The following ZNF514 variants were observed in gnomAD, a reference collection of about 807,000 sequenced individuals.
ZNF514 encodes zinc finger protein 514.
A neutral mutation model predicts 9.7 loss-of-function variants in ZNF514; 12 were observed. The ratio of observed to expected loss-of-function variants is 1.24; its 90% CI spans 0.79 to 2.01. The LOEUF (loss-of-function observed/expected upper bound fraction) is 2.01, where lower values mean the gene tolerates loss of function less well. ZNF514 is among the 30% of genes most tolerant of loss of function. The pLI is 0.00. For synonymous variants in ZNF514, 158 were observed against 163.7 expected (o/e 0.97, Z 0.27); for missense variants, 467 against 465.5 (o/e 1.00, Z -0.03).
In ZNF514 at chr2:95,159,656, AGCCCCCGCCCGCCACCCCG is replaced by A; in HGVS notation, c.-531_-513del. On this transcript the variant is annotated 5_prime_UTR_variant, in exon 1 of 5. Transcript: ENST00000295208. Reference sequence around the variant, plus strand: ...CAGCCCCCGCCCGCCACCCCGCGCCAGCCCCCGCCCGCCACCCCGCGCCAGCCCCCGCGTCCGCCCCGCG... The same window carrying A: ...CAGCCCCCGCCCGCCACCCCGCGCCACGCCAGCCCCCGCGTCCGCCCCGCG... 6 of 62,296 alleles carry A rather than the reference AGCCCCCGCCCGCCACCCCG, an allele frequency of 9.6e-5. No homozygotes were observed. The highest frequency in any genetic ancestry group is 1.9e-4 in the Non-Finnish European group (6 of 31,976). 3.9% of individuals were successfully genotyped at this position (62,296 alleles called of 1,614,324 possible).
chr2:95,127,817 C>T, the ZNF514 span, among the ~76,000 whole-genome samples: 1 of 152,084 alleles, frequency 6.6e-6, no homozygotes. Context: ...GCCTGTTGGC[C>T]AGGCTGGCCT....
chr2:95,131,060 T>G, the ZNF514 span, among the ~76,000 whole-genome samples: 3 of 152,230 alleles, frequency 2.0e-5, no homozygotes, highest in African/African-American at 4.8e-5. Flanking sequence ...TTTCAGCCGG[T>G]CCCTCTGTTT....
chr2:95,146,248 A>G lies in ZNF514; in HGVS notation c.*3034T>C. Among the ~76,000 whole-genome samples the G allele has an allele frequency of 6.6e-6, 1 of 152,224 alleles. No individual in the cohort carries two copies. The highest frequency in any genetic ancestry group is 1.9e-4 in the East Asian group (1 of 5,202). ...AAACAAGAAAGTGGTAAAGTGATAA[A>G]AAATTATTTAAATAGATCAAGACAG... On this transcript the variant is annotated 3_prime_UTR_variant, in exon 5 of 5. Transcript: ENST00000295208.
At chr2:95,155,481 T>G (rs1015861097) in intron 2 of ZNF514, 1 of 152,234 alleles carries the variant, frequency 6.6e-6, no homozygotes, top group African/African-American at 2.4e-5. Context: ...TCATTGTATA[T>G]TGGATATATG....
chr2:95,155,951 T>G (rs1033520600), intron 2 of ZNF514, among the ~76,000 whole-genome samples: 4 of 152,046 alleles, frequency 2.6e-5, no homozygotes, highest in African/African-American at 9.7e-5. Flanking sequence ...GAGAAGAGGG[T>G]GTGGAGCAGA....
In ZNF514 at chr2:95,149,289, GT is replaced by G. The variant is rs755697811; in HGVS notation, c.1195del (p.Thr399ProfsTer21). Reference protein sequence around the residue: ...KHQRSHAGKKTL With the variant: ...KHQRSHAGKKXL ...CTTCTATATTCACTGAATTTATAGG[GT>G]TTTTTTTCCAGCATGACTTCTCTGA... On this transcript the variant is annotated frameshift_variant, in exon 5 of 5. Coordinates refer to ENST00000295208, the MANE Select transcript of ZNF514 (RefSeq NM_032788.3). LOFTEE classifies it high-confidence loss of function. 14 of 1,570,348 alleles carry G rather than the reference GT, an allele frequency of 8.9e-6. No homozygotes were observed. Among genetic ancestry groups the G allele is most frequent in the African/African-American group, 8.2e-5 (6 of 73,104 alleles).
At chr2:95,157,517 C>T in intron 1 of ZNF514, 78 bp from the exon 2 acceptor site, 1 of 771,978 alleles carries the variant, frequency 1.3e-6, no homozygotes, top group South Asian at 1.4e-5. Flanking sequence ...AGCCTGAGAC[C>T]CAGAACAGCT....
chr2:95,138,184 T>G, the ZNF514 span, among the ~76,000 whole-genome samples: 1 of 152,222 alleles, frequency 6.6e-6, no homozygotes, highest in Non-Finnish European at 1.5e-5. Context: ...AAGAACGGCC[T>G]AATATAGAAA....
At chr2:95,123,824 ACT>A in the ZNF514 span, among the ~76,000 whole-genome samples, 2 of 151,958 alleles carry the variant, frequency 1.3e-5, no homozygotes, top group African/African-American at 4.8e-5. Flanking sequence ...AAGCCTCCAG[ACT>A]CTGTTAAGGC....
Position 95,145,414 on chromosome 2 carries a change from G to A in ZNF514, c.*3868C>T, listed in dbSNP as rs1209387025. Among the ~76,000 whole-genome samples the A allele has an allele frequency of 2.6e-5, 4 of 152,130 alleles. No homozygotes were observed. Among genetic ancestry groups the A allele is most frequent in the Non-Finnish European group, 4.4e-5 (3 of 68,026 alleles). Reference sequence around the variant, plus strand: ...ATAACAGGCCCTGAGAGAAATCTAAGTATTTTATCCTAAAATAAATTTCTC... The same window carrying A: ...ATAACAGGCCCTGAGAGAAATCTAAATATTTTATCCTAAAATAAATTTCTC... On this transcript the variant is annotated 3_prime_UTR_variant, in exon 5 of 5. Coordinates refer to ENST00000295208, the MANE Select transcript of ZNF514 (RefSeq NM_032788.3).
the ZNF514 span, among the ~76,000 whole-genome samples, chr2:95,124,080 G>T: frequency 6.6e-6 from 1 of 152,156 alleles, no homozygotes; most frequent in Non-Finnish European, 1.5e-5. Context: ...GTATGTGTGT[G>T]TAGTTCTATG....
chr2:95,127,714 T>C, the ZNF514 span, among the ~76,000 whole-genome samples: 2 of 152,208 alleles, frequency 1.3e-5, no homozygotes, highest in African/African-American at 4.8e-5. Context: ...GCCTTAGTGG[T>C]TCTCCTGCCT....
chr2:95,128,058 G>A, the ZNF514 span, among the ~76,000 whole-genome samples: 1 of 152,100 alleles, frequency 6.6e-6, no homozygotes, highest in Non-Finnish European at 1.5e-5. Flanking sequence ...ACCAGCCCTG[G>A]ACAACACAGT....
chr2:95,149,985 A>G lies in ZNF514; in HGVS notation c.500T>C (p.Val167Ala). Residue 167 changes from valine to alanine, a missense_variant, in exon 5 of 5, where the codon GTT becomes GCT. By Grantham distance (64) the Val-to-Ala change is moderately conservative (BLOSUM62 0). Transcript: ENST00000295208. Reference sequence around the variant, plus strand: ...TCCCATGAGAATGCTGTGTTGGTTAACAAGGACTGATCTTAAACCTAAGCT... The same window carrying G: ...TCCCATGAGAATGCTGTGTTGGTTAGCAAGGACTGATCTTAAACCTAAGCT... ...GRSLGLRSVL[V>A]NQHSILMGEG... The G allele has an allele frequency of 6.2e-7, 1 of 1,614,242 alleles. No homozygotes were observed. Among genetic ancestry groups the G allele is most frequent in the Non-Finnish European group, 8.5e-7 (1 of 1,180,042 alleles).
chr2:95,159,027 C>G lies in ZNF514; in HGVS notation c.-96+213G>C, dbSNP rs577680361. On this transcript the variant is annotated intron_variant, in intron 1 of 4. Transcript: ENST00000295208. Reference sequence around the variant, plus strand: ...GCGTCCTTTCACTAGGTCCAAATCTCTGTCTTTCGGCCACAGCCCTGTGGT... The same window carrying G: ...GCGTCCTTTCACTAGGTCCAAATCTGTGTCTTTCGGCCACAGCCCTGTGGT... 3.2e-6 allele frequency: 4 copies of G among 1,256,714 alleles called. No individual in the cohort carries two copies. The South Asian group carries it at 3.8e-5, about 12-fold the overall frequency. 77.8% of individuals were successfully genotyped at this position (1,256,714 alleles called of 1,614,324 possible).
the ZNF514 span, among the ~76,000 whole-genome samples, chr2:95,127,313 C>T: frequency 1.3e-5 from 2 of 152,216 alleles, no homozygotes; most frequent in Non-Finnish European, 2.9e-5. Flanking sequence ...TCAAGTCAGA[C>T]TTCTGTTCAC....
At chr2:95,141,182 G>A (rs1224173071), downstream of ZNF514, among the ~76,000 whole-genome samples, 3 of 152,078 alleles carry the variant, frequency 2.0e-5, no homozygotes, top group African/African-American at 4.8e-5. Flanking sequence ...CAAAAACCCA[G>A]TCTCAGGTAT....
chr2:95,134,054 A>T, the ZNF514 span, among the ~76,000 whole-genome samples: 1 of 152,130 alleles, frequency 6.6e-6, no homozygotes, highest in Non-Finnish European at 1.5e-5. Flanking sequence ...TGAACTCAAA[A>T]AAGTTCAGCT....
In ZNF514 at chr2:95,149,872, T is replaced by C. The variant is rs1673483790; in HGVS notation, c.613A>G (p.Lys205Glu). The C allele has an allele frequency of 1.9e-6, 3 of 1,614,122 alleles. No individual in the cohort carries two copies. Among genetic ancestry groups the C allele is most frequent in the Non-Finnish European group, 2.5e-6 (3 of 1,180,044 alleles). ...AAGGACTTCCCACACTCATTACATT[T>C]ACAAGATTTCTTTTCTGGGTGGGTT... Reference protein sequence around the residue: ...QRTHPEKKSCKCNECGKSFHF... With the variant: ...QRTHPEKKSCECNECGKSFHF... Residue 205 changes from lysine (K) to glutamate (E), a missense_variant, in exon 5 of 5, where the codon AAA becomes GAA. Physicochemically the swap from Lys to Glu is moderately conservative, Grantham distance 56. Coordinates refer to ENST00000295208, the MANE Select transcript of ZNF514 (RefSeq NM_032788.3).
Sources: allele counts gnomAD v4.1 joint callset (sites outside exome capture counted in the v4.1 genomes callset), GRCh38; gene constraint gnomAD v4.1.1; transcripts MANE v1.5; gene names NCBI Gene and HGNC (gene_info 2026-07-23, HGNC 2026-07-21).